The following SLC30A8 variants were observed in gnomAD, a reference collection of about 807,000 sequenced individuals.
The protein encoded by SLC30A8 is proton-coupled zinc antiporter SLC30A8.
SLC30A8 carries 27 observed loss-of-function variants against 36.9 expected under a neutral mutation model. The ratio of observed to expected loss-of-function variants is 0.73; its 90% CI spans 0.54 to 1.01. The LOEUF (loss-of-function observed/expected upper bound fraction) is 1.01. Among genes scored for constraint, SLC30A8 ranks in the 50% least tolerant of loss-of-function variants. The pLI is 0.00. For missense variants in SLC30A8, 439 were observed against 452.0 expected (o/e 0.97, Z 0.26); for synonymous variants, 164 against 172.4 (o/e 0.95, Z 0.38).
chr8:117,128,420 C>A (rs558022484), intron 2 of SLC30A8: 2 of 151,856 alleles, frequency 1.3e-5, no homozygotes, highest in South Asian at 4.2e-4. Context: ...TATAAAAAGG[C>A]GTGTGTGTGT....
At chr8:117,152,782 CCTCT>C (rs775880852) in intron 2 of SLC30A8, among the ~76,000 whole-genome samples, 158 bp from the exon 3 acceptor site, 6 of 152,154 alleles carry the variant, frequency 3.9e-5, no homozygotes, top group Non-Finnish European at 8.8e-5. Flanking sequence ...AATCATATCC[CCTCT>C]CTGAGTCGCA....
At position 117,161,838 on chromosome 8, in the gene SLC30A8, C is replaced by CTAT. The variant is rs1563636212; in HGVS notation, c.675_677dup (p.Leu225dup). 1 of 1,613,978 alleles carries CTAT rather than the reference C, an allele frequency of 6.2e-7. No homozygotes were observed. On this transcript the variant is annotated inframe_insertion, in exon 5 of 8. Coordinates refer to ENST00000456015, the MANE Select transcript of SLC30A8 (RefSeq NM_173851.3). ...TGCTTTTGTGCATGCCCTTGGAGAT[C>CTAT]TATTTCAGAGTATCAGTGTGCTAAT...
rs772287437 is a variant in SLC30A8, at chr8:117,072,003, A to C, written c.-226+32745A>C. The stretch of plus-strand genomic sequence containing the variant: ...CTAACTCTTACAGACTGTATTTTGC[A>C]AGCTTCCTCATCAGGAGCTTCCTTC... On this transcript the variant is annotated intron_variant, in intron 2 of 10. Transcript: ENST00000427715. 1.6e-4 allele frequency among the ~76,000 whole-genome samples: 25 copies of C among 152,096 alleles called. 1 individual carries two copies. Among genetic ancestry groups the C allele is most frequent in the Non-Finnish European group, 3.1e-4 (21 of 68,026 alleles).
At chr8:117,101,621 AAAG>A (rs1441264983) in intron 2 of SLC30A8, among the ~76,000 whole-genome samples, 1 of 152,140 alleles carries the variant, frequency 6.6e-6, no homozygotes, top group Non-Finnish European at 1.5e-5. Context: ...GTGTGTTGCC[AAAG>A]GAGATTAACA....
intron 6 of SLC30A8, among the ~76,000 whole-genome samples, chr8:117,164,963 CCT>C (rs1337835490): frequency 6.6e-6 from 1 of 152,160 alleles, no homozygotes; most frequent in African/African-American, 2.4e-5. Context: ...CTGCCTGCCT[CCT>C]CTCCCCCATT....
intron 1 of SLC30A8, among the ~76,000 whole-genome samples, chr8:116,968,861 T>A (rs2130611507): frequency 6.6e-6 from 1 of 152,134 alleles, no homozygotes; most frequent in East Asian, 1.9e-4. Context: ...CTCAGCCTCC[T>A]AAGTAGCTGG....
intron 2 of SLC30A8, among the ~76,000 whole-genome samples, chr8:117,097,954 A>G (rs1819522482): frequency 8.4e-6 from 1 of 119,480 alleles, no homozygotes; most frequent in African/African-American, 3.2e-5. Context: ...ATAATTTTAA[A>G]TAAATATATT....
At chr8:117,064,309 G>A (rs988662153) in intron 2 of SLC30A8, among the ~76,000 whole-genome samples, 2 of 152,142 alleles carry the variant, frequency 1.3e-5, no homozygotes, top group African/African-American at 4.8e-5. Flanking sequence ...AATCCTTGAT[G>A]TAGAGTGTTT....
chr8:117,149,647 A>C (rs1822074182), intron 2 of SLC30A8, among the ~76,000 whole-genome samples: 1 of 152,372 alleles, frequency 6.6e-6, no homozygotes, highest in East Asian at 1.9e-4. Context: ...AAATGTTTGC[A>C]AAGTGAAAAT....
At chr8:117,164,600 T>C (rs1401445627) in intron 6 of SLC30A8, among the ~76,000 whole-genome samples, 1 of 151,968 alleles carries the variant, frequency 6.6e-6, no homozygotes, top group Admixed American at 6.6e-5. Context: ...TAAAAAAAGC[T>C]TTGTCCTCAT....
intron 2 of SLC30A8, among the ~76,000 whole-genome samples, chr8:117,098,895 C>T (rs527631527): frequency 2.4e-4 from 36 of 152,082 alleles, no homozygotes; most frequent in Non-Finnish European, 4.9e-4. Flanking sequence ...TTTTGAGGGA[C>T]TGTCATAGTT....
At chr8:117,131,137 A>G (rs1821121953), upstream of SLC30A8, among the ~76,000 whole-genome samples, 1 of 151,990 alleles carries the variant, frequency 6.6e-6, no homozygotes, top group Non-Finnish European at 1.5e-5. Context: ...AATAAACATC[A>G]TATTGCTTTC....
At chr8:116,989,267 A>G (rs1275267890) in intron 1 of SLC30A8, among the ~76,000 whole-genome samples, 1 of 152,222 alleles carries the variant, frequency 6.6e-6, no homozygotes, top group Non-Finnish European at 1.5e-5. Context: ...ACTGGAAAGC[A>G]AACTAAGAAG....
At chr8:117,018,358 A>G (rs1816588542) in intron 1 of SLC30A8, 1 of 152,232 alleles carries the variant, frequency 6.6e-6, no homozygotes, top group African/African-American at 2.4e-5. Context: ...TTATTTCAAC[A>G]TGTAATATGA....
chr8:117,092,053 C>T (rs189586315), intron 2 of SLC30A8, among the ~76,000 whole-genome samples: 152 of 152,242 alleles, frequency 1.0e-3, no homozygotes, highest in African/African-American at 3.4e-3. Flanking sequence ...GAAAGGACAA[C>T]GCATCCTTCT....
At chr8:117,076,607 A>T (rs1409356509) in intron 2 of SLC30A8, among the ~76,000 whole-genome samples, 1 of 152,180 alleles carries the variant, frequency 6.6e-6, no homozygotes, top group Non-Finnish European at 1.5e-5. Flanking sequence ...AAACACAGGA[A>T]GTATTCCTTT....
Position 117,136,708 on chromosome 8 carries a change from A to T in SLC30A8, c.71+1310A>T, listed in dbSNP as rs112323899. ...GTCAGGCAGAAGTTTTGGACAAAAA[A>T]TTGTTAACCCTATGGATACTATCAA... On this transcript the variant is annotated intron_variant, in intron 1 of 7. Coordinates refer to ENST00000456015, the MANE Select transcript of SLC30A8 (RefSeq NM_173851.3). Among the ~76,000 whole-genome samples the T allele has an allele frequency of 3.1e-3, 475 of 152,124 alleles. 1 individual carries two copies. Among genetic ancestry groups the T allele is most frequent in the African/African-American group, 0.011 (455 of 41,548 alleles).
At chr8:117,065,623 CTT>C (rs927543942) in intron 2 of SLC30A8, among the ~76,000 whole-genome samples, 1 of 151,988 alleles carries the variant, frequency 6.6e-6, no homozygotes, top group African/African-American at 2.4e-5. Context: ...CTCATGGTGA[CTT>C]TACACGGTCT....
chr8:116,966,328 T>C (rs1279201218), intron 1 of SLC30A8, among the ~76,000 whole-genome samples: 1 of 152,174 alleles, frequency 6.6e-6, no homozygotes, highest in Non-Finnish European at 1.5e-5. Flanking sequence ...TCAAGTTCAA[T>C]GGCTAGTTAC....
Sources: allele counts gnomAD v4.1 joint callset (sites outside exome capture counted in the v4.1 genomes callset), GRCh38; gene constraint gnomAD v4.1.1; transcripts MANE v1.5; gene names NCBI Gene and HGNC (gene_info 2026-07-23, HGNC 2026-07-21).